AJM1: variants seen among roughly 807,000 people sequenced by gnomAD.
The protein encoded by AJM1 is uncharacterized protein C9orf172.
Under a neutral mutation model 43.0 loss-of-function variants are expected in AJM1, and 22 were observed. That is an observed-to-expected ratio of 0.51 (90% CI 0.37 to 0.73). The LOEUF is 0.73. Ranked by LOEUF, AJM1 falls within the 30% of genes least tolerant of loss-of-function variation. The probability of loss-of-function intolerance (pLI) is 0.00; values close to 1 mark genes in which losing one functional copy is unlikely to be tolerated. For synonymous variants in AJM1, 719 were observed against 638.3 expected, an observed-to-expected ratio of 1.13 and a Z score of -1.91; for missense variants, 1,305 against 1,343.3, an observed-to-expected ratio of 0.97 and a Z score of 0.45.
Position 136,847,553 on chromosome 9 carries a change from C to G in AJM1, c.*208C>G, listed in dbSNP as rs955138855. ...CCCAGGCCCCCACCCCCCGGCCCTT[C>G]GTCCCCGTAGTGTTCCTCACAGGCC... On this transcript the variant is annotated 3_prime_UTR_variant, in exon 3 of 3. Transcript: ENST00000436881. 39 of 487,306 alleles carry G rather than the reference C, an allele frequency of 8.0e-5. No homozygotes were observed. In the Middle Eastern group the frequency reaches 1.6e-3, roughly 20 times the overall value. The allele number at this position is 487,306 out of a possible 1,614,324, so 30.2% of individuals were successfully genotyped here.
rs765169095 is a variant in AJM1 at position 136,846,742 on chromosome 9, C to T, written c.2328C>T (p.Ser776=). The change falls in exon 3 of 3, where the codon TCC becomes TCT. Residue 776 remains serine, a synonymous_variant. Transcript: ENST00000436881. ...TTGGCCTGGAGGGGCTGCTGCTATCCCCCACCTACCTATCGCTGCGTGAGC... is the reference window on the plus strand; with the variant it reads ...TTGGCCTGGAGGGGCTGCTGCTATCTCCCACCTACCTATCGCTGCGTGAGC... ...LRFGLEGLLL[S]PTYLSLRELA... 1.2e-6 allele frequency: 2 copies of T among 1,601,426 alleles called. No individual in the cohort carries two copies. The highest frequency in any genetic ancestry group is 1.7e-6 in the Non-Finnish European group (2 of 1,177,558).
In AJM1 at chr9:136,846,466, G is replaced by A. The variant is rs776127941; in HGVS notation, c.2052G>A (p.Lys684=). Residue 684 remains lysine, a synonymous_variant, in exon 3 of 3, where the codon AAG becomes AAA. Transcript: ENST00000436881. ...ETMFNACLYF[K]SCHSCYTYYC... is the part of the protein sequence containing the mutation. The stretch of plus-strand genomic sequence containing the variant: ...TGTTCAACGCCTGCCTCTACTTCAA[G>A]TCCTGCCACAGCTGCTACACCTACT... 1.3e-6 allele frequency: 2 copies of A among 1,594,030 alleles called. No individual in the cohort carries two copies. The highest frequency in any genetic ancestry group is 2.2e-5 in the South Asian group (2 of 90,776).
intron 1 of AJM1, among the ~76,000 whole-genome samples, 192 bp downstream of exon 1, chr9:136,842,781 C>T (rs1333630646): frequency 2.0e-5 from 3 of 152,126 alleles, no homozygotes; most frequent in African/African-American, 7.2e-5. Context: ...CAGCCATCTC[C>T]GTGGGCTCCA....
rs1332359384 is a variant in AJM1, at chr9:136,845,413, C to T, written c.999C>T (p.Thr333=). 6 of 1,612,468 alleles carry T rather than the reference C, an allele frequency of 3.7e-6. No individual in the cohort carries two copies. Among genetic ancestry groups the T allele is most frequent in the Non-Finnish European group, 3.4e-6 (4 of 1,179,800 alleles). The change falls in exon 3 of 3, where the codon ACC becomes ACT. Residue 333 remains threonine (T), a synonymous_variant. Transcript: ENST00000436881. The part of the protein sequence containing the change: ...MGGYYAGEVR[T]FPIQEPPSRS... Reference sequence around the variant, plus strand: ...GCTACTACGCAGGAGAGGTGCGCACCTTCCCAATCCAGGAACCGCCCTCCC... The same window carrying T: ...GCTACTACGCAGGAGAGGTGCGCACTTTCCCAATCCAGGAACCGCCCTCCC...
chr9:136,846,112 C>T lies in AJM1; in HGVS notation c.1698C>T (p.Pro566=), dbSNP rs1363957390. Residue 566 remains proline (P), a synonymous_variant, in exon 3 of 3, where the codon CCC becomes CCT. Transcript: ENST00000436881. ...CGCGGCCACCTCCCCACGCGGCCCC[C>T]GACGGCCCCACCTCTGGCCGCCAGC... ...GRTRPPPHAA[P]DGPTSGRQRS... is the part of the protein sequence containing the mutation. 2 of 1,529,320 alleles carry T rather than the reference C, an allele frequency of 1.3e-6. No individual in the cohort carries two copies. The highest frequency in any genetic ancestry group is 5.0e-5 in the East Asian group (2 of 40,150). 94.7% of individuals were successfully genotyped at this position (1,529,320 alleles called of 1,614,324 possible).
chr9:136,846,536 G>T lies in AJM1; in HGVS notation c.2122G>T (p.Ala708Ser). The change falls in exon 3 of 3, where the codon GCG (alanine) becomes TCG (serine). Residue 708 changes from alanine to serine, a missense_variant. Physicochemically the swap from Ala to Ser is moderately conservative, Grantham distance 99. Transcript: ENST00000436881. ...CCGCGAGGACTGGGACGCCCACAAG[G>T]CGCGCTGCGTGTACGGCCGCGTGGG... ...CRREDWDAHK[A>S]RCVYGRVGSV... 1 of 1,595,528 alleles carries T rather than the reference G, an allele frequency of 6.3e-7. No homozygotes were observed. Among genetic ancestry groups the T allele is most frequent in the Non-Finnish European group, 8.5e-7 (1 of 1,178,834 alleles).
chr9:136,846,902 C>A lies in AJM1; in HGVS notation c.2488C>A (p.Pro830Thr). ...ACCCGGCACCGCGCCACCGGGGACA[C>A]CGGCCCTGCCCGCGCCCGCGCCACG... ...VGPGTAPPGTPALPAPAPRSH... is the reference protein window; with the variant it reads ...VGPGTAPPGTTALPAPAPRSH... Residue 830 changes from proline to threonine, a missense_variant, in exon 3 of 3, where the codon CCG becomes ACG. Physicochemically the swap from Pro to Thr is conservative, Grantham distance 38 (BLOSUM62 -1). Around this residue, in one of 6 missense-constraint regions of AJM1, gnomAD observed 391 missense variants for 507.5 expected, o/e 0.77. Transcript: ENST00000436881. The A allele has an allele frequency of 2.7e-6, 4 of 1,480,850 alleles. No homozygotes were observed. The highest frequency in any genetic ancestry group is 2.7e-5 in the East Asian group (1 of 36,526). 91.7% of individuals were successfully genotyped at this position (1,480,850 alleles called of 1,614,324 possible).
Position 136,845,185 on chromosome 9 carries a change from C to T in AJM1, c.771C>T (p.Pro257=), listed in dbSNP as rs547443739. The change falls in exon 3 of 3, where the codon CCC becomes CCT. Residue 257 remains proline (P), a synonymous_variant. Coordinates refer to ENST00000436881, the MANE Select transcript of AJM1 (RefSeq NM_001080482.5). The part of the protein sequence containing the change: ...ADPRAFYCDG[P]LPGPRDYAER... ...CCCGGGCGTTCTACTGCGACGGGCC[C>T]CTGCCTGGGCCCCGGGACTACGCCG... 1.6e-5 allele frequency: 26 copies of T among 1,588,030 alleles called. No homozygotes were observed. The African/African-American group carries it at 2.3e-4, about 14-fold the overall frequency.
rs974084550 is a variant in AJM1, at chr9:136,847,428, C to T, written c.*83C>T. The T allele has an allele frequency of 8.4e-6, 10 of 1,185,032 alleles. No homozygotes were observed. The Admixed American group carries it at 2.2e-4, about 26-fold the overall frequency. 73.4% of individuals were successfully genotyped at this position (1,185,032 alleles called of 1,614,324 possible). ...CAGGCCCCGCCCGGCCCACCCAGGG[C>T]CGCCCCCGAGCCCCGCCAGGGCCCC... On this transcript the variant is annotated 3_prime_UTR_variant, in exon 3 of 3. Transcript: ENST00000436881.
intron 1 of AJM1, among the ~76,000 whole-genome samples, chr9:136,842,838 G>A (rs1296376206): frequency 2.6e-5 from 4 of 152,258 alleles, no homozygotes; most frequent in East Asian, 1.9e-4. Flanking sequence ...CCATCCCCAC[G>A]GGAGGGGGTG....
chr9:136,844,355 G>A lies in AJM1; in HGVS notation c.-59-1G>A, dbSNP rs1848737736. 2.1e-6 allele frequency: 3 copies of A among 1,438,088 alleles called. No individual in the cohort carries two copies. The highest frequency in any genetic ancestry group is 1.4e-5 in the African/African-American group (1 of 71,216). The allele number at this position is 1,438,088 out of a possible 1,614,324, so 89.1% of individuals were successfully genotyped here. On this transcript the variant is annotated splice_acceptor_variant, in intron 2 of 2. Transcript: ENST00000436881. LOFTEE classifies it low-confidence loss of function (5UTR_SPLICE). The stretch of plus-strand genomic sequence containing the variant: ...CCGCCCTGACCCGCGTCTCCCCCCA[G>A]GGCAAAAGCCCCGCAAGGCAGTGTG...
In AJM1 at chr9:136,844,985, A is replaced by C. The variant is rs1260013255; in HGVS notation, c.571A>C (p.Lys191Gln). Reference sequence around the variant, plus strand: ...CCACGTGCGCTGCCGCCTGGACATCAAGCCAGACGACGCAGTGCTCCAGCA... The same window carrying C: ...CCACGTGCGCTGCCGCCTGGACATCCAGCCAGACGACGCAGTGCTCCAGCA... ...APHVRCRLDI[K>Q]PDDAVLQHAT... Residue 191 changes from lysine to glutamine, a missense_variant, in exon 3 of 3, where the codon AAG becomes CAG. By Grantham distance (53) the Lys-to-Gln change is moderately conservative. Around this residue, in one of 6 missense-constraint regions of AJM1, gnomAD observed 653 missense variants for 549.1 expected, o/e 1.19. Transcript: ENST00000436881. 8.1e-6 allele frequency: 5 copies of C among 615,850 alleles called. No homozygotes were observed. In the South Asian group the frequency reaches 9.1e-5, roughly 11 times the overall value. The allele number at this position is 615,850 out of a possible 1,614,324, so 38.1% of individuals were successfully genotyped here.
Position 136,846,999 on chromosome 9 carries a change from C to G in AJM1, c.2585C>G (p.Pro862Arg). 4.9e-6 allele frequency: 6 copies of G among 1,224,796 alleles called. No homozygotes were observed. The highest frequency in any genetic ancestry group is 5.4e-6 in the Non-Finnish European group (5 of 930,980). 75.9% of individuals were successfully genotyped at this position (1,224,796 alleles called of 1,614,324 possible). Residue 862 changes from proline (P) to arginine (R), a missense_variant, in exon 3 of 3, where the codon CCG becomes CGG. Around this residue, in one of 6 missense-constraint regions of AJM1, gnomAD observed 391 missense variants for 507.5 expected, o/e 0.77. Transcript: ENST00000436881. ...GCCGGCAGCCCCGCGCGGCCGCCCC[C>G]GGCGCGGAGCCGCGAGCCCGACATG... The part of the protein sequence containing the change: ...LAAGSPARPP[P>R]ARSREPDMET...
In AJM1 at chr9:136,846,863, T is replaced by G. The variant is rs372213172; in HGVS notation, c.2449T>G (p.Ser817Ala). Residue 817 changes from serine to alanine, a missense_variant, in exon 3 of 3, where the codon TCC becomes GCC. By Grantham distance (99) the Ser-to-Ala change is moderately conservative (BLOSUM62 1). Around this residue, in one of 6 missense-constraint regions of AJM1, gnomAD observed 391 missense variants for 507.5 expected, o/e 0.77. Coordinates refer to ENST00000436881, the MANE Select transcript of AJM1 (RefSeq NM_001080482.5). ...GGCAGAGTGCTTCCTGCTCAGCGTG[T>G]CCGTGGCCGTGGGACCCGGCACCGC... ...EPAECFLLSV[S>A]VAVGPGTAPP... 18 of 1,565,328 alleles carry G rather than the reference T, an allele frequency of 1.1e-5. No homozygotes were observed. The highest frequency in any genetic ancestry group is 8.3e-5 in the African/African-American group (6 of 72,210).
Position 136,846,364 on chromosome 9 carries a change from C to T in AJM1, c.1950C>T (p.Asp650=). The change falls in exon 3 of 3, where the codon GAC becomes GAT. Residue 650 remains aspartate, a synonymous_variant. Transcript: ENST00000436881. ...CCGCGGCCCCGGGAGAGGCGGCCGACGCGTCCCCCGAACCCAGCGCCGACG... is the reference window on the plus strand; with the variant it reads ...CCGCGGCCCCGGGAGAGGCGGCCGATGCGTCCCCCGAACCCAGCGCCGACG... ...EEPAAPGEAA[D]ASPEPSADED... 3.5e-6 allele frequency: 5 copies of T among 1,441,222 alleles called. No homozygotes were observed. The highest frequency in any genetic ancestry group is 4.6e-6 in the Non-Finnish European group (5 of 1,096,852). The allele number at this position is 1,441,222 out of a possible 1,614,324, so 89.3% of individuals were successfully genotyped here.
chr9:136,844,481 C>G lies in AJM1; in HGVS notation c.67C>G (p.Pro23Ala). ...GTACCAGGACATCAAGGTGGCGACC[C>G]CGGGACCCGCGTCCAAGTGCTCGCC... Reference protein sequence around the residue: ...TVYQDIKVATPGPASKCSPCE... With the variant: ...TVYQDIKVATAGPASKCSPCE... The change falls in exon 3 of 3, where the codon CCG becomes GCG. Residue 23 changes from proline to alanine, a missense_variant. By Grantham distance (27) the Pro-to-Ala change is conservative. Transcript: ENST00000436881. 7 of 1,611,298 alleles carry G rather than the reference C, an allele frequency of 4.3e-6. No homozygotes were observed. Among genetic ancestry groups the G allele is most frequent in the Non-Finnish European group, 5.9e-6 (7 of 1,179,232 alleles).
rs375666127 is a variant in AJM1 at position 136,844,619 on chromosome 9, G to C, written c.205G>C (p.Glu69Gln). Residue 69 changes from glutamate to glutamine, a missense_variant, in exon 3 of 3, where the codon GAG becomes CAG. Coordinates refer to ENST00000436881, the MANE Select transcript of AJM1 (RefSeq NM_001080482.5). ...CGGGCCGGCCATGGAGACCCTGCCG[G>C]AGCCACCGCCGCCGGAGTCCGCTGT... is the stretch of plus-strand genomic sequence containing the variant. ...LDGPAMETLP[E>Q]PPPPESAVPR... is the part of the protein sequence containing the mutation. 6.4e-7 allele frequency: 1 copy of C among 1,555,970 alleles called. No individual in the cohort carries two copies. Among genetic ancestry groups the C allele is most frequent in the Admixed American group, 1.9e-5 (1 of 52,572 alleles).
chr9:136,847,525 C>T lies in AJM1; in HGVS notation c.*180C>T. ...GCTCCGCTCAGTTCGGCCTCCAGCT[C>T]CGCCCAGGCCCCCACCCCCCGGCCC... On this transcript the variant is annotated 3_prime_UTR_variant, in exon 3 of 3. Coordinates refer to ENST00000436881, the MANE Select transcript of AJM1 (RefSeq NM_001080482.5). 2 of 518,042 alleles carry T rather than the reference C, an allele frequency of 3.9e-6. No homozygotes were observed. The highest frequency in any genetic ancestry group is 6.6e-6 in the Non-Finnish European group (2 of 304,542). 32.1% of individuals were successfully genotyped at this position (518,042 alleles called of 1,614,324 possible).
At position 136,846,394 on chromosome 9, in the gene AJM1, C is replaced by T. The variant is rs760230438; in HGVS notation, c.1980C>T (p.Asp660=). ...CCCCCGAACCCAGCGCCGACGAGGA[C>T]GACCTGATGACCTGCTCCAATGCGC... ...DASPEPSADE[D]DLMTCSNARC... Residue 660 remains aspartate (D), a synonymous_variant, in exon 3 of 3, where the codon GAC becomes GAT. Transcript: ENST00000436881. The T allele has an allele frequency of 3.9e-6, 6 of 1,543,738 alleles. No individual in the cohort carries two copies. Among genetic ancestry groups the T allele is most frequent in the Non-Finnish European group, 5.2e-6 (6 of 1,149,304 alleles).
Sources: gnomAD v4.1 joint callset for allele counts (sites outside exome capture counted in the v4.1 genomes callset) on GRCh38, gnomAD v4.1.1 for gene constraint, gnomAD v4.1.1 regional missense constraint, MANE v1.5 for transcripts, NCBI Gene and HGNC (gene_info 2026-07-23, HGNC 2026-07-21) for gene names.